The following BCAS3 variants were observed in gnomAD, a reference collection of about 807,000 sequenced individuals.
BCAS3 encodes the protein BCAS4/BCAS3 fusion.
In BCAS3, 53 loss-of-function variants were observed where a neutral mutation model predicts 116.1. The observed-to-expected ratio is 0.46, with a 90% confidence interval of 0.37 to 0.57. The LOEUF (loss-of-function observed/expected upper bound fraction) is 0.57, where lower values mean the gene tolerates loss of function less well. BCAS3 is among the 20% of genes least tolerant of loss of function. The pLI, the probability that BCAS3 is intolerant of heterozygous loss-of-function variation, is 0.00. For synonymous variants in BCAS3, 391 were observed against 408.2 expected (o/e 0.96, Z 0.51); for missense variants, 917 against 1,165.4 (o/e 0.79, Z 3.10).
intron 5 of BCAS3, among the ~76,000 whole-genome samples, chr17:60,718,222 A>T (rs534356656): frequency 6.6e-6 from 1 of 151,996 alleles, no homozygotes; most frequent in African/African-American, 2.4e-5. Flanking sequence ...GGGACCCCTC[A>T]ACTAGAATAT....
chr17:61,387,915 G>C lies in BCAS3; in HGVS notation c.2594-4062G>C, dbSNP rs1452750823. On this transcript the variant is annotated intron_variant, in intron 23 of 23. Transcript: ENST00000407086. The surrounding 1 kb of genome is among the most constrained non-coding windows in gnomAD (Gnocchi z 6.2). ...GGTCACAATGAGGTGACTGGGTCTAGCCACTTGCCTGGAAGCCACTCCTCC... is the reference window on the plus strand; with the variant it reads ...GGTCACAATGAGGTGACTGGGTCTACCCACTTGCCTGGAAGCCACTCCTCC... Among the ~76,000 whole-genome samples the C allele has an allele frequency of 6.6e-6, 1 of 152,162 alleles. No individual in the cohort carries two copies. The highest frequency in any genetic ancestry group is 1.5e-5 in the Non-Finnish European group (1 of 68,020).
At chr17:60,754,984 AG>A (rs1482889938) in intron 6 of BCAS3, among the ~76,000 whole-genome samples, 2 of 152,192 alleles carry the variant, frequency 1.3e-5, no homozygotes, top group African/African-American at 4.8e-5. Context: ...GTGATCATTT[AG>A]GTTTTTGCAA....
intron 22 of BCAS3, among the ~76,000 whole-genome samples, chr17:61,350,916 G>A (rs1406839895): frequency 6.6e-6 from 1 of 152,144 alleles, no homozygotes. Flanking sequence ...TTGCAGGTGT[G>A]AGCCACCATG....
At chr17:61,338,888 GAAAAAAAAAAA>G (rs57701817) in intron 22 of BCAS3, among the ~76,000 whole-genome samples, 66 of 67,324 alleles carry the variant, frequency 9.8e-4, no homozygotes, top group South Asian at 2.5e-3. Context: ...CCCTTACTGG[GAAAAAAAAAAA>G]AAAAAAAAAA....
intron 22 of BCAS3, among the ~76,000 whole-genome samples, chr17:61,290,773 G>A (rs1475644861): frequency 6.6e-6 from 1 of 152,000 alleles, no homozygotes; most frequent in East Asian, 1.9e-4. Context: ...GTGGTCAAGG[G>A]ACTTTTTAGT....
At chr17:60,886,852 G>A (rs2056693809) in intron 9 of BCAS3, among the ~76,000 whole-genome samples, 1 of 150,930 alleles carries the variant, frequency 6.6e-6, no homozygotes, top group Non-Finnish European at 1.5e-5. Flanking sequence ...CTTCAAAGCT[G>A]TCAGACAGGG....
chr17:61,322,125 G>A (rs2055275857), intron 22 of BCAS3, among the ~76,000 whole-genome samples: 2 of 152,006 alleles, frequency 1.3e-5, no homozygotes, highest in South Asian at 4.1e-4. Context: ...GTAGAGACAG[G>A]GTTTCTCCAT....
intron 19 of BCAS3, among the ~76,000 whole-genome samples, chr17:61,055,705 AT>A (rs201793225): frequency 3.3e-5 from 5 of 151,672 alleles, no homozygotes; most frequent in East Asian, 3.9e-4. Context: ...TACTCTTCTA[AT>A]TTTTTTTTCT....
rs931522020 is a variant in BCAS3, at chr17:61,279,912, C to A, written c.2426-88415C>A. Among the ~76,000 whole-genome samples the A allele has an allele frequency of 3.3e-5, 5 of 152,226 alleles. No individual in the cohort carries two copies. Among genetic ancestry groups the A allele is most frequent in the Admixed American group, 3.3e-4 (5 of 15,290 alleles). Reference sequence around the variant, plus strand: ...CTTTTTCTCCCTCTCCATGTCTCTACATCTTTCTTTTCTCTCAATCCTGCT... The same window carrying A: ...CTTTTTCTCCCTCTCCATGTCTCTAAATCTTTCTTTTCTCTCAATCCTGCT... On this transcript the variant is annotated intron_variant, in intron 22 of 23. Transcript: ENST00000407086. This position sits in a 1 kb window ranked among gnomAD's most constrained non-coding sequence, Gnocchi z 4.4.
chr17:60,894,878 A>G (rs1210947314), intron 10 of BCAS3, among the ~76,000 whole-genome samples: 1 of 152,032 alleles, frequency 6.6e-6, no homozygotes, highest in Admixed American at 6.5e-5. Flanking sequence ...ATTGATTTAG[A>G]TATGTTGAAC....
chr17:61,077,325 G>A lies in BCAS3; in HGVS notation c.2131-1008G>A, dbSNP rs1438657398. Among the ~76,000 whole-genome samples, 1 of 152,112 alleles carries A rather than the reference G, an allele frequency of 6.6e-6. No individual in the cohort carries two copies. Among genetic ancestry groups the A allele is most frequent in the African/African-American group, 2.4e-5 (1 of 41,426 alleles). On this transcript the variant is annotated intron_variant, in intron 20 of 23. Coordinates refer to ENST00000407086, the MANE Select transcript of BCAS3 (RefSeq NM_017679.5). This position sits in a 1 kb window ranked among gnomAD's most constrained non-coding sequence, Gnocchi z 4.3. ...CAGGTCAGGAGACCAAGACCATCCT[G>A]GCTAACACGGTGAAACCCCGTCTCT...
intron 11 of BCAS3, among the ~76,000 whole-genome samples, chr17:60,909,654 CTT>C (rs1216014439): frequency 1.3e-5 from 2 of 152,000 alleles, no homozygotes; most frequent in East Asian, 1.9e-4. Context: ...CCTTTCATTT[CTT>C]TTTCTGTAGA....
chr17:60,963,750 T>C (rs1359004211), intron 14 of BCAS3, among the ~76,000 whole-genome samples: 1 of 152,120 alleles, frequency 6.6e-6, no homozygotes, highest in East Asian at 1.9e-4. Flanking sequence ...AGAGACAGGC[T>C]TTCACTGTGT....
chr17:61,235,095 C>T lies in BCAS3; in HGVS notation c.2426-133232C>T, dbSNP rs542763285. Among the ~76,000 whole-genome samples, 24 of 152,234 alleles carry T rather than the reference C, an allele frequency of 1.6e-4. No individual in the cohort carries two copies. The highest frequency in any genetic ancestry group is 3.6e-4 in the African/African-American group (15 of 41,544). On this transcript the variant is annotated intron_variant, in intron 22 of 23. Coordinates refer to ENST00000407086, the MANE Select transcript of BCAS3 (RefSeq NM_017679.5). The surrounding 1 kb of genome is among the most constrained non-coding windows in gnomAD (Gnocchi z 5.0). ...AGAGACAGGGTTTCACCACATTGGC[C>T]GGGCTGGTCTCAAACTCCTGACCTA... is the stretch of plus-strand genomic sequence containing the variant.
chr17:61,264,111 G>T (rs2049461054), intron 22 of BCAS3, among the ~76,000 whole-genome samples: 2 of 151,958 alleles, frequency 1.3e-5, no homozygotes, highest in African/African-American at 4.8e-5. Flanking sequence ...GAAGATTATT[G>T]TGAAGATTAA....
At chr17:60,713,997 C>T (rs1370039546) in intron 5 of BCAS3, among the ~76,000 whole-genome samples, 2 of 152,004 alleles carry the variant, frequency 1.3e-5, no homozygotes, top group Non-Finnish European at 2.9e-5. Flanking sequence ...CCATGCCAGG[C>T]TAATTTTTGT....
intron 23 of BCAS3, among the ~76,000 whole-genome samples, chr17:61,370,580 G>A (rs1175640847): frequency 6.6e-6 from 1 of 152,118 alleles, no homozygotes; most frequent in African/African-American, 2.4e-5. Context: ...ATAGAGACGG[G>A]GTTTCACCAT....
At chr17:61,015,540 A>G (rs2065397007) in intron 15 of BCAS3, among the ~76,000 whole-genome samples, 1 of 152,140 alleles carries the variant, frequency 6.6e-6, no homozygotes, top group Admixed American at 6.5e-5. Flanking sequence ...TGGCCTCCCA[A>G]GGTGCTGGGA....
chr17:61,035,028 A>G (rs747743049), intron 17 of BCAS3, among the ~76,000 whole-genome samples: 1 of 152,156 alleles, frequency 6.6e-6, no homozygotes, highest in African/African-American at 2.4e-5. Context: ...GTTGGTGACA[A>G]TCTACAGGTG....
Sources: allele counts gnomAD v4.1 joint callset (sites outside exome capture counted in the v4.1 genomes callset), GRCh38; gene constraint gnomAD v4.1.1; non-coding constraint Gnocchi (gnomAD v3.1); transcripts MANE v1.5; gene names NCBI Gene and HGNC (gene_info 2026-07-23, HGNC 2026-07-21).